Variants in JMJD1C observed in about 807,000 individuals in gnomAD.
JMJD1C encodes jumonji domain containing 1C.
Under a neutral mutation model 245.3 loss-of-function variants are expected in JMJD1C, and 31 were observed. The ratio of observed to expected loss-of-function variants is 0.13; its 90% CI spans 0.09 to 0.17. JMJD1C has a LOEUF of 0.17. JMJD1C is among the 10% of genes least tolerant of loss of function. The pLI, the probability that JMJD1C is intolerant of heterozygous loss-of-function variation, is 1.00. For missense variants in JMJD1C, 2,691 were observed against 3,000.2 expected (o/e 0.90, Z 2.41); for synonymous variants, 1,057 against 1,017.4 (o/e 1.04, Z -0.74).
chr10:63,423,720 C>T (rs945448673), intron 1 of JMJD1C, among the ~76,000 whole-genome samples: 19 of 152,348 alleles, frequency 1.2e-4, no homozygotes, highest in Admixed American at 2.0e-4. Flanking sequence ...AATTGCCAAG[C>T]TGCTTTCAAC....
intron 2 of JMJD1C, among the ~76,000 whole-genome samples, chr10:63,331,422 G>A (rs761895900): frequency 2.0e-5 from 3 of 151,872 alleles, no homozygotes; most frequent in Admixed American, 6.6e-5. Flanking sequence ...CAATACATTC[G>A]CTTACATGGT....
At chr10:63,484,181 C>T (rs1953910076) in intron 1 of JMJD1C, among the ~76,000 whole-genome samples, 1 of 148,508 alleles carries the variant, frequency 6.7e-6, no homozygotes, top group Non-Finnish European at 1.5e-5. Flanking sequence ...GTAATCCCAG[C>T]ACCTTGGGAT....
At chr10:63,468,294 TG>T (rs1444328858), upstream of JMJD1C, among the ~76,000 whole-genome samples, 2 of 152,232 alleles carry the variant, frequency 1.3e-5, no homozygotes, top group Non-Finnish European at 2.9e-5. Flanking sequence ...GATATTTTGC[TG>T]TTGGAAAAAT....
intron 2 of JMJD1C, among the ~76,000 whole-genome samples, chr10:63,335,048 A>AACC (rs1255231713): frequency 7.1e-6 from 1 of 140,726 alleles, no homozygotes; most frequent in Non-Finnish European, 1.5e-5. Context: ...AAAAAAAAAT[A>AACC]TTGTTCCTAA....
At position 63,465,832 on chromosome 10, in the gene JMJD1C, G is replaced by C. The variant is rs912681879; in HGVS notation, c.-170C>G. 1.3e-6 allele frequency: 1 copy of C among 760,892 alleles called. No homozygotes were observed. Among genetic ancestry groups the C allele is most frequent in the East Asian group, 2.7e-5 (1 of 37,566 alleles). The allele number at this position is 760,892 out of a possible 1,614,324, so 47.1% of individuals were successfully genotyped here. ...GCTCTGCCCCGGACACAGCGACCTC[G>C]GGCCCTCCCCGCAAACACTCCTTTG... is the stretch of plus-strand genomic sequence containing the variant. On this transcript the variant is annotated 5_prime_UTR_variant, in exon 1 of 26. Coordinates refer to ENST00000399262, the MANE Select transcript of JMJD1C (RefSeq NM_032776.3).
At chr10:63,376,575 C>G (rs1946759551) in intron 2 of JMJD1C, among the ~76,000 whole-genome samples, 3 of 151,712 alleles carry the variant, frequency 2.0e-5, no homozygotes. Context: ...AAACTTAACA[C>G]CAAAAAAAAC....
At chr10:63,367,323 C>T (rs529892215) in intron 2 of JMJD1C, among the ~76,000 whole-genome samples, 6 of 152,090 alleles carry the variant, frequency 3.9e-5, no homozygotes, top group South Asian at 2.1e-4. Context: ...ATCAGTTCAC[C>T]GCAACCTCCA....
Position 63,377,007 on chromosome 10 carries a change from G to A in JMJD1C, c.333+3311C>T, listed in dbSNP as rs114249113. 3.5e-3 allele frequency among the ~76,000 whole-genome samples: 540 copies of A among 152,290 alleles called. 3 individuals are homozygous for A. The highest frequency in any genetic ancestry group is 0.012 in the African/African-American group (508 of 41,554). On this transcript the variant is annotated intron_variant, in intron 2 of 25. Transcript: ENST00000399262. ...CCAGTATTATTCCCTATAGCCAAAA[G>A]CTGGAAGTGACACAACTGTCCATTA...
chr10:63,432,651 G>A (rs1950825859), intron 1 of JMJD1C, among the ~76,000 whole-genome samples: 1 of 152,154 alleles, frequency 6.6e-6, no homozygotes, highest in Admixed American at 6.5e-5. Flanking sequence ...GGACTTAGAA[G>A]GAAAACCTTA....
chr10:63,198,180 C>G (rs1845658285), intron 12 of JMJD1C, among the ~76,000 whole-genome samples: 1 of 152,192 alleles, frequency 6.6e-6, no homozygotes, highest in African/African-American at 2.4e-5. Context: ...GGGAGTAAAG[C>G]TGAGATTCCA....
intron 1 of JMJD1C, among the ~76,000 whole-genome samples, chr10:63,519,898 T>C (rs1329712594): frequency 6.6e-6 from 1 of 152,200 alleles, no homozygotes. Flanking sequence ...TTCAAATTCA[T>C]TTGAGTTTTA....
rs146406471 is a variant in JMJD1C, at chr10:63,373,507, G to A, written c.333+6811C>T. Among the ~76,000 whole-genome samples the A allele has an allele frequency of 8.8e-4, 134 of 152,232 alleles. 1 individual carries two copies. The highest frequency in any genetic ancestry group is 2.9e-3 in the African/African-American group (120 of 41,538). ...ACTGCCAGTTTCCACTAATTTCTAGGTATAAGAGGTAGACAAGATAACGTA... is the reference window on the plus strand; with the variant it reads ...ACTGCCAGTTTCCACTAATTTCTAGATATAAGAGGTAGACAAGATAACGTA... On this transcript the variant is annotated intron_variant, in intron 2 of 25. Transcript: ENST00000399262.
At chr10:63,477,948 T>G (rs1171834912) in intron 1 of JMJD1C, among the ~76,000 whole-genome samples, 1 of 152,130 alleles carries the variant, frequency 6.6e-6, no homozygotes, top group East Asian at 1.9e-4. Context: ...AAATAAGATA[T>G]GCAAGTGGCA....
At chr10:63,390,133 CTTG>C (rs762254219) in intron 1 of JMJD1C, among the ~76,000 whole-genome samples, 1 of 151,988 alleles carries the variant, frequency 6.6e-6, no homozygotes, top group Non-Finnish European at 1.5e-5. Context: ...CAATTAACTG[CTTG>C]TTGAGAATAA....
At chr10:63,445,903 C>A (rs995747928) in intron 1 of JMJD1C, among the ~76,000 whole-genome samples, 2 of 110,956 alleles carry the variant, frequency 1.8e-5, no homozygotes, top group Non-Finnish European at 3.4e-5. Flanking sequence ...CAGACAGAGT[C>A]TCACTCTGGT....
At chr10:63,481,313 G>C (rs948274633) in intron 1 of JMJD1C, among the ~76,000 whole-genome samples, 3 of 152,090 alleles carry the variant, frequency 2.0e-5, no homozygotes, top group Non-Finnish European at 2.9e-5. Context: ...GGAAATTACG[G>C]TGATATTAAC....
intron 1 of JMJD1C, among the ~76,000 whole-genome samples, chr10:63,429,713 C>A (rs1255273758): frequency 6.6e-6 from 1 of 152,128 alleles, no homozygotes; most frequent in Non-Finnish European, 1.5e-5. Context: ...TCAGCACAAT[C>A]AAAATAAAAA....
At chr10:63,424,910 A>G (rs1950353672) in intron 1 of JMJD1C, among the ~76,000 whole-genome samples, 1 of 152,090 alleles carries the variant, frequency 6.6e-6, no homozygotes, top group African/African-American at 2.4e-5. Context: ...AACACAATCA[A>G]TGAGTAAGTT....
chr10:63,453,530 T>C (rs1160416633), intron 1 of JMJD1C, among the ~76,000 whole-genome samples: 1 of 152,160 alleles, frequency 6.6e-6, no homozygotes, highest in Non-Finnish European at 1.5e-5. Context: ...ACATTTTATA[T>C]TACTGGAGAA....
Sources: allele counts gnomAD v4.1 joint callset (sites outside exome capture counted in the v4.1 genomes callset), GRCh38; gene constraint gnomAD v4.1.1; transcripts MANE v1.5; gene names NCBI Gene and HGNC (gene_info 2026-07-23, HGNC 2026-07-21).